The following RAP1A variants were observed in gnomAD, a reference collection of about 807,000 sequenced individuals.
RAP1A encodes ras-related protein Rap-1A.
A neutral mutation model predicts 26.4 loss-of-function variants in RAP1A; 6 were observed. The ratio of observed to expected loss-of-function variants is 0.23; its 90% CI spans 0.12 to 0.45. The LOEUF (loss-of-function observed/expected upper bound fraction) is 0.45, where lower values mean the gene tolerates loss of function less well. Among genes scored for constraint, RAP1A ranks in the 20% least tolerant of loss-of-function variants. The pLI is 0.99. For missense variants in RAP1A, 121 were observed against 217.2 expected (o/e 0.56, Z 2.78); for synonymous variants, 73 against 79.4 (o/e 0.92, Z 0.43).
At position 111,619,822 on chromosome 1, in the gene RAP1A, C is replaced by A. The variant is rs1013843746; in HGVS notation, c.-140C>A. On this transcript the variant is annotated 5_prime_UTR_variant, in exon 1 of 8. Coordinates refer to ENST00000369709, the MANE Select transcript of RAP1A (RefSeq NM_002884.4). The stretch of plus-strand genomic sequence containing the variant: ...TCCCGAGGCCCCTGCCGCCGCCGCT[C>A]CCGCTGCTGTCGCCGCGCAGAGCCG... 3.0e-5 allele frequency: 12 copies of A among 399,494 alleles called. No homozygotes were observed. Among genetic ancestry groups the A allele is most frequent in the Non-Finnish European group, 5.3e-5 (12 of 227,132 alleles). The allele number at this position is 399,494 out of a possible 1,614,324, so 24.7% of individuals were successfully genotyped here.
At chr1:111,582,966 T>C (rs1320836148) in intron 1 of RAP1A, among the ~76,000 whole-genome samples, 1 of 152,212 alleles carries the variant, frequency 6.6e-6, no homozygotes, top group Non-Finnish European at 1.5e-5. Flanking sequence ...CTGTAATAAC[T>C]GCAGAGCATG....
At chr1:111,587,063 C>G (rs1658379251) in intron 1 of RAP1A, among the ~76,000 whole-genome samples, 1 of 152,040 alleles carries the variant, frequency 6.6e-6, no homozygotes, top group Non-Finnish European at 1.5e-5. Context: ...TCTTATCCTC[C>G]CCTGCAGCTG....
At chr1:111,542,414 T>C (rs1160976691) in exon 1 of RAP1A, 2 of 233,244 alleles carry the variant, frequency 8.6e-6, no homozygotes, top group African/African-American at 4.6e-5. Flanking sequence ...CCTCCATTTA[T>C]TTGGTGAAAA....
At position 111,716,598 on chromosome 1, in the gene RAP1A, G is replaced by A. The variant is rs1662546984; in HGVS notation, c.*4197G>A. 4 of 152,208 alleles carry A rather than the reference G, an allele frequency of 2.6e-5. No homozygotes were observed. Among genetic ancestry groups the A allele is most frequent in the Non-Finnish European group, 2.9e-5 (2 of 68,044 alleles). The allele number at this position is 152,208 out of a possible 1,614,324, so 9.4% of individuals were successfully genotyped here. On this transcript the variant is annotated 3_prime_UTR_variant, in exon 8 of 8. Transcript: ENST00000369709. Reference sequence around the variant, plus strand: ...CCTCCTGTGGTTCTGGGCCCAAGGTGTGACATACATTTCCCACTAATTGCT... The same window carrying A: ...CCTCCTGTGGTTCTGGGCCCAAGGTATGACATACATTTCCCACTAATTGCT...
chr1:111,563,064 G>A (rs747941484), intron 1 of RAP1A, among the ~76,000 whole-genome samples: 2 of 152,176 alleles, frequency 1.3e-5, no homozygotes, highest in Non-Finnish European at 2.9e-5. Context: ...AAGAGAGTAA[G>A]CAGCGTACTC....
chr1:111,565,460 T>C (rs1657897666), intron 1 of RAP1A, among the ~76,000 whole-genome samples: 2 of 152,114 alleles, frequency 1.3e-5, no homozygotes, highest in African/African-American at 4.8e-5. Context: ...TATATCACAG[T>C]GTAACTGGTA....
chr1:111,543,523 A>G (rs570006730), intron 1 of RAP1A, among the ~76,000 whole-genome samples: 24 of 152,230 alleles, frequency 1.6e-4, no homozygotes, highest in South Asian at 6.2e-4. Context: ...TGTTAACACA[A>G]TCCTTTCTGG....
chr1:111,545,475 T>C (rs1173964897), intron 1 of RAP1A, among the ~76,000 whole-genome samples: 2 of 152,166 alleles, frequency 1.3e-5, no homozygotes, highest in Non-Finnish European at 2.9e-5. Flanking sequence ...GGATTATTTG[T>C]CCTTTTATTG....
chr1:111,628,448 G>A (rs1659465441), intron 1 of RAP1A, among the ~76,000 whole-genome samples: 1 of 152,174 alleles, frequency 6.6e-6, no homozygotes. Context: ...ATGGAGATAA[G>A]GGAGAATTAT....
At chr1:111,602,488 C>T (rs908470052) in intron 1 of RAP1A, among the ~76,000 whole-genome samples, 4 of 152,152 alleles carry the variant, frequency 2.6e-5, no homozygotes, top group Non-Finnish European at 4.4e-5. Context: ...CCTCTTTCCC[C>T]TTTTCCTGCT....
At chr1:111,709,539 A>G (rs752635336) in intron 7 of RAP1A, among the ~76,000 whole-genome samples, 1 of 152,184 alleles carries the variant, frequency 6.6e-6, no homozygotes, top group Non-Finnish European at 1.5e-5. Context: ...TAGTAGTTGA[A>G]TGAATAGAAC....
At chr1:111,618,112 G>C (rs963057017), upstream of RAP1A, among the ~76,000 whole-genome samples, 1 of 151,604 alleles carries the variant, frequency 6.6e-6, no homozygotes, top group Non-Finnish European at 1.5e-5. Context: ...ATCCTCCCTT[G>C]ATCTCAAGTA....
At chr1:111,592,831 C>T (rs187861837) in intron 1 of RAP1A, among the ~76,000 whole-genome samples, 41 of 152,288 alleles carry the variant, frequency 2.7e-4, no homozygotes, top group Admixed American at 2.6e-3. Flanking sequence ...CCCATCTGCA[C>T]GCCCCCATTT....
At chr1:111,664,999 T>A (rs998269170) in intron 1 of RAP1A, among the ~76,000 whole-genome samples, 1 of 152,212 alleles carries the variant, frequency 6.6e-6, no homozygotes, top group Non-Finnish European at 1.5e-5. Context: ...CCTAATTACT[T>A]TATGCTTAAG....
intron 1 of RAP1A, among the ~76,000 whole-genome samples, chr1:111,644,470 G>A (rs1341283640): frequency 6.6e-6 from 1 of 152,080 alleles, no homozygotes; most frequent in Non-Finnish European, 1.5e-5. Flanking sequence ...AGCCTGATTG[G>A]TGTAGGCTGA....
chr1:111,587,482 C>G (rs537716942), intron 1 of RAP1A, among the ~76,000 whole-genome samples: 5 of 152,248 alleles, frequency 3.3e-5, no homozygotes, highest in African/African-American at 1.2e-4. Flanking sequence ...TGACCTCTGC[C>G]TACGCCTCAG....
rs1662489810 is a variant in RAP1A, at chr1:111,714,904, A to G, written c.*2503A>G. On this transcript the variant is annotated 3_prime_UTR_variant, in exon 8 of 8. Transcript: ENST00000369709. Reference sequence around the variant, plus strand: ...AGTATGTGTGGCTATTTAAAGTATAATGACTTTGGTTTGGTTATATGAGTG... The same window carrying G: ...AGTATGTGTGGCTATTTAAAGTATAGTGACTTTGGTTTGGTTATATGAGTG... 1 of 152,190 alleles carries G rather than the reference A, an allele frequency of 6.6e-6. No individual in the cohort carries two copies. The highest frequency in any genetic ancestry group is 1.5e-5 in the Non-Finnish European group (1 of 68,036). The allele number at this position is 152,190 out of a possible 1,614,324, so 9.4% of individuals were successfully genotyped here. A position where few individuals can be genotyped will look rare whatever the true frequency, so the allele number is the denominator to read the frequency against.
chr1:111,679,959 A>G (rs1661242251), intron 1 of RAP1A, among the ~76,000 whole-genome samples: 1 of 152,226 alleles, frequency 6.6e-6, no homozygotes, highest in African/African-American at 2.4e-5. Flanking sequence ...AGCTGTGCAC[A>G]CAGCTTCAGC....
intron 1 of RAP1A, among the ~76,000 whole-genome samples, chr1:111,583,294 A>T (rs1005025767): frequency 2.5e-3 from 41 of 16,618 alleles, no homozygotes; most frequent in Non-Finnish European, 0.021. Context: ...ATGCTTTAAA[A>T]AAAAAAAAAA....
Sources: gnomAD v4.1 joint callset for allele counts (sites outside exome capture counted in the v4.1 genomes callset) on GRCh38, gnomAD v4.1.1 for gene constraint, MANE v1.5 for transcripts, NCBI Gene and HGNC (gene_info 2026-07-23, HGNC 2026-07-21) for gene names.